The following C1GALT1 variants were observed in gnomAD, a reference collection of about 807,000 sequenced individuals.
The protein encoded by C1GALT1 is glycoprotein-N-acetylgalactosamine 3-beta-galactosyltransferase 1.
Under a neutral mutation model 31.0 loss-of-function variants are expected in C1GALT1, and 11 were observed. That is an observed-to-expected ratio of 0.36 (90% CI 0.22 to 0.59). C1GALT1 has a LOEUF of 0.59. C1GALT1 is among the 20% of genes least tolerant of loss of function. The pLI is 0.79. For synonymous variants in C1GALT1, 175 were observed against 143.6 expected (o/e 1.22, Z -1.56); for missense variants, 424 against 425.2 (o/e 1.00, Z 0.03).
intron 1 of C1GALT1, among the ~76,000 whole-genome samples, chr7:7,185,737 T>C (rs1025660114): frequency 2.6e-5 from 4 of 152,192 alleles, no homozygotes; most frequent in African/African-American, 9.7e-5. Flanking sequence ...AGACCCTATT[T>C]TGAAATAAGG....
chr7:7,174,288 C>T (rs1482184865), intron 2 of C1GALT1, among the ~76,000 whole-genome samples: 2 of 152,216 alleles, frequency 1.3e-5, no homozygotes, highest in Non-Finnish European at 2.9e-5. Context: ...ATCTTGGTTA[C>T]TTTCAAGTTC....
intron 1 of C1GALT1, among the ~76,000 whole-genome samples, chr7:7,215,395 C>A (rs115211522): frequency 0.037 from 5,643 of 152,184 alleles, 211 homozygotes; most frequent in African/African-American, 0.11. Context: ...CAGTTTGTGC[C>A]GGGAGAGAAA....
chr7:7,208,643 G>C (rs1781859646), intron 1 of C1GALT1, among the ~76,000 whole-genome samples: 1 of 152,170 alleles, frequency 6.6e-6, no homozygotes, highest in African/African-American at 2.4e-5. Context: ...TGCATCAGTG[G>C]GTGGAGGTAC....
intron 1 of C1GALT1, among the ~76,000 whole-genome samples, chr7:7,194,994 G>C (rs1236313138): frequency 6.6e-6 from 1 of 152,058 alleles, no homozygotes; most frequent in Admixed American, 6.6e-5. Flanking sequence ...ATGATCTTTT[G>C]TATTTCTGTG....
Position 7,247,538 on chromosome 7 carries a change from T to C in C1GALT1, c.*3811T>C, listed in dbSNP as rs1454561695. The C allele has an allele frequency of 1.3e-5, 2 of 152,120 alleles. No homozygotes were observed. The highest frequency in any genetic ancestry group is 2.9e-5 in the Non-Finnish European group (2 of 67,956). 9.4% of individuals were successfully genotyped at this position (152,120 alleles called of 1,614,324 possible). On this transcript the variant is annotated 3_prime_UTR_variant, in exon 4 of 4. Coordinates refer to ENST00000436587, the MANE Select transcript of C1GALT1 (RefSeq NM_020156.5). ...GAGCAGTAAATTTGCTAACTGGTTA[T>C]TTTCACAATTTTCTTGAATATTAAT...
chr7:7,240,048 G>A (rs1044958607), intron 3 of C1GALT1, among the ~76,000 whole-genome samples: 2 of 152,118 alleles, frequency 1.3e-5, no homozygotes, highest in East Asian at 1.9e-4. Context: ...TGGACCTAAC[G>A]TATAAATAAT....
At chr7:7,158,805 A>G (rs932274308) in intron 2 of C1GALT1, among the ~76,000 whole-genome samples, 1 of 152,102 alleles carries the variant, frequency 6.6e-6, no homozygotes, top group Non-Finnish European at 1.5e-5. Context: ...TTGTAATTAG[A>G]TAACATTTCT....
chr7:7,214,883 G>C (rs1406594885), intron 1 of C1GALT1, among the ~76,000 whole-genome samples: 1 of 152,196 alleles, frequency 6.6e-6, no homozygotes, highest in Admixed American at 6.5e-5. Context: ...AGAAACCTTG[G>C]CCCAGGAGCC....
upstream of C1GALT1, chr7:7,177,998 C>G (rs935415035): frequency 9.1e-6 from 2 of 220,980 alleles, no homozygotes; most frequent in Non-Finnish European, 1.9e-5. Context: ...AGATAAGTAC[C>G]TGGATTGGGC....
chr7:7,196,602 T>C (rs1415944443), intron 1 of C1GALT1, among the ~76,000 whole-genome samples: 3 of 152,196 alleles, frequency 2.0e-5, no homozygotes, highest in Non-Finnish European at 4.4e-5. Context: ...CTGGGACAAA[T>C]GGTATTTCTA....
chr7:7,214,922 C>A (rs888866830), intron 1 of C1GALT1, among the ~76,000 whole-genome samples: 1 of 152,164 alleles, frequency 6.6e-6, no homozygotes, highest in Non-Finnish European at 1.5e-5. Flanking sequence ...AGATTTTGAC[C>A]CTCCTTAAAC....
chr7:7,192,213 A>C (rs1037338120), intron 1 of C1GALT1, among the ~76,000 whole-genome samples: 6 of 151,308 alleles, frequency 4.0e-5, no homozygotes, highest in Non-Finnish European at 7.4e-5. Context: ...TTTTTTGGTA[A>C]TGATTTTTGA....
In C1GALT1 at chr7:7,248,030, AAAAAC is replaced by A. The variant is rs1170751743; in HGVS notation, c.*4309_*4313del. The stretch of plus-strand genomic sequence containing the variant: ...CACCCTTTTCTCAAAAACAACAACA[AAAAAC>A]AAAACTCATTTTATTTTTCTACTTT... On this transcript the variant is annotated 3_prime_UTR_variant, in exon 4 of 4. Coordinates refer to ENST00000436587, the MANE Select transcript of C1GALT1 (RefSeq NM_020156.5). The A allele has an allele frequency of 3.3e-5, 5 of 152,088 alleles. No individual in the cohort carries two copies. The highest frequency in any genetic ancestry group is 6.5e-5 in the Admixed American group (1 of 15,282). 9.4% of individuals were successfully genotyped at this position (152,088 alleles called of 1,614,324 possible).
At chr7:7,165,779 T>G (rs1562551559) in intron 2 of C1GALT1, among the ~76,000 whole-genome samples, 1 of 152,200 alleles carries the variant, frequency 6.6e-6, no homozygotes, top group African/African-American at 2.4e-5. Context: ...CAAAGCTTTT[T>G]GAGCATCAAC....
intron 2 of C1GALT1, among the ~76,000 whole-genome samples, chr7:7,167,999 T>C (rs1780416474): frequency 6.6e-6 from 1 of 152,228 alleles, no homozygotes; most frequent in African/African-American, 2.4e-5. Context: ...AGAGAAATTC[T>C]GATGCCATCT....
At chr7:7,202,794 A>T (rs1287413733) in intron 1 of C1GALT1, among the ~76,000 whole-genome samples, 2 of 152,156 alleles carry the variant, frequency 1.3e-5, no homozygotes, top group Admixed American at 6.5e-5. Flanking sequence ...ACTGCATTGA[A>T]TCTGTAGGTC....
chr7:7,240,987 AACTG>A (rs1783601128), intron 3 of C1GALT1, among the ~76,000 whole-genome samples: 1 of 152,090 alleles, frequency 6.6e-6, no homozygotes, highest in Non-Finnish European at 1.5e-5. Flanking sequence ...TCTTGTTCAG[AACTG>A]ACTCTTAAGC....
chr7:7,245,499 C>T lies in C1GALT1; in HGVS notation c.*1772C>T, dbSNP rs1432501833. On this transcript the variant is annotated 3_prime_UTR_variant, in exon 4 of 4. Transcript: ENST00000436587. ...GGCTAAGTAATTTCTATTTATTGTG[C>T]CAAAACATGTCAAAATCATGACCTC... is the stretch of plus-strand genomic sequence containing the variant. 1 of 152,132 alleles carries T rather than the reference C, an allele frequency of 6.6e-6. No individual in the cohort carries two copies. The highest frequency in any genetic ancestry group is 1.5e-5 in the Non-Finnish European group (1 of 68,030). 9.4% of individuals were successfully genotyped at this position (152,132 alleles called of 1,614,324 possible).
intron 1 of C1GALT1, among the ~76,000 whole-genome samples, chr7:7,191,014 ATTT>A (rs1262968987): frequency 6.6e-6 from 1 of 151,968 alleles, no homozygotes; most frequent in Non-Finnish European, 1.5e-5. Flanking sequence ...CATCATAATC[ATTT>A]TTAAGTTTAT....
Sources: allele counts gnomAD v4.1 joint callset (sites outside exome capture counted in the v4.1 genomes callset), GRCh38; gene constraint gnomAD v4.1.1; transcripts MANE v1.5; gene names NCBI Gene and HGNC (gene_info 2026-07-23, HGNC 2026-07-21).